The following COL6A6 variants were observed in gnomAD, a reference collection of about 807,000 sequenced individuals.
COL6A6 encodes the protein collagen alpha-6(VI) chain.
Under a neutral mutation model 208.6 loss-of-function variants are expected in COL6A6, and 183 were observed. The ratio of observed to expected loss-of-function variants is 0.88; its 90% CI spans 0.78 to 0.99. COL6A6 has a LOEUF of 0.99. Among genes scored for constraint, COL6A6 ranks in the 50% least tolerant of loss-of-function variants. The probability of loss-of-function intolerance (pLI) is 0.00; values close to 1 mark genes in which losing one functional copy is unlikely to be tolerated. For synonymous variants in COL6A6, 973 were observed against 1,011.8 expected (o/e 0.96, Z 0.73); for missense variants, 2,816 against 2,815.2 (o/e 1.00, Z -0.01).
intron 24 of COL6A6, among the ~76,000 whole-genome samples, chr3:130,625,396 T>C (rs2064855288): frequency 6.6e-6 from 1 of 152,186 alleles, no homozygotes; most frequent in Non-Finnish European, 1.5e-5. Flanking sequence ...GGGAGGGAGA[T>C]GGAGAGTAAC....
rs754635301 is a variant in COL6A6, at chr3:130,649,265, T to C, written c.5436T>C (p.Leu1812=). 5 of 1,600,762 alleles carry C rather than the reference T, an allele frequency of 3.1e-6. No homozygotes were observed. Among genetic ancestry groups the C allele is most frequent in the Non-Finnish European group, 4.3e-6 (5 of 1,173,770 alleles). The change falls in exon 33 of 37, where the codon CTT becomes CTC. Residue 1812 remains leucine (L), a synonymous_variant. Transcript: ENST00000358511. ...ILSYNSHARH[L]VRFSDAYKKS... ...CCTATAACTCCCACGCCAGGCACCTTGTGCGCTTCTCAGACGCCTACAAGA... is the reference window on the plus strand; with the variant it reads ...CCTATAACTCCCACGCCAGGCACCTCGTGCGCTTCTCAGACGCCTACAAGA...
At chr3:130,600,964 T>C (rs917385215) in intron 20 of COL6A6, among the ~76,000 whole-genome samples, 8 of 152,230 alleles carry the variant, frequency 5.3e-5, no homozygotes, top group African/African-American at 1.9e-4. Flanking sequence ...GATCACTTGC[T>C]TGTTGGGGGT....
chr3:130,595,920 C>G (rs998476816), intron 18 of COL6A6, among the ~76,000 whole-genome samples: 2 of 152,126 alleles, frequency 1.3e-5, no homozygotes, highest in Non-Finnish European at 2.9e-5. Context: ...CTCCCACTAG[C>G]AATGTATGAG....
intron 26 of COL6A6, among the ~76,000 whole-genome samples, chr3:130,634,242 T>TAAAAAAAAAAAAAAAAAAAAAAAA (rs202193097): frequency 3.8e-4 from 9 of 23,792 alleles, no homozygotes; most frequent in Admixed American, 8.0e-4. Context: ...AATAAATAAA[T>TAAAAAAAAAAAAAAAAAAAAAAAA]AAAAAAAAAA....
chr3:130,619,206 ATTAC>A (rs1269855260), intron 23 of COL6A6, among the ~76,000 whole-genome samples: 2 of 152,166 alleles, frequency 1.3e-5, no homozygotes, highest in Non-Finnish European at 2.9e-5. Flanking sequence ...TACACTAACA[ATTAC>A]TTACAGCGTA....
At chr3:130,527,916 GGTTGTT>G (rs140060412) in intron 1 of COL6A6, among the ~76,000 whole-genome samples, 9 of 40,770 alleles carry the variant, frequency 2.2e-4, no homozygotes, top group Middle Eastern at 0.012. Context: ...TTTTTTTTTT[GGTTGTT>G]GTTGTTGTTG....
rs2062119990 is a variant in COL6A6 at position 130,532,441 on chromosome 3, C to G, written c.-32+15044C>G. 2.0e-5 allele frequency among the ~76,000 whole-genome samples: 3 copies of G among 152,184 alleles called. No homozygotes were observed. The South Asian group carries it at 6.2e-4, about 32-fold the overall frequency. On this transcript the variant is annotated intron_variant, in intron 1 of 36. Transcript: ENST00000358511. ...GAACACAGGTCTACCCCTTGCGTCC[C>G]CAATCAGACTCTGATTTCATGATGT...
chr3:130,608,194 C>A (rs1212670316), intron 21 of COL6A6, among the ~76,000 whole-genome samples: 3 of 152,152 alleles, frequency 2.0e-5, no homozygotes, highest in African/African-American at 7.2e-5. Flanking sequence ...CAGACTACAG[C>A]ACATTTCAAG....
intron 24 of COL6A6, among the ~76,000 whole-genome samples, chr3:130,622,219 T>C (rs2064746512): frequency 6.9e-6 from 1 of 144,104 alleles, no homozygotes; most frequent in Admixed American, 7.5e-5. Flanking sequence ...CCCTTTTTTT[T>C]TTTCCTTTCC....
In COL6A6 at chr3:130,676,877, G is replaced by A. The variant is rs1321090226; in HGVS notation, c.*1480G>A. On this transcript the variant is annotated 3_prime_UTR_variant, in exon 37 of 37. Coordinates refer to ENST00000358511, the MANE Select transcript of COL6A6 (RefSeq NM_001102608.3). ...TAGGGGTTCAGAAAAAATGTTTCAA[G>A]TACAGGAAATTAATGAGCAATATTT... The A allele has an allele frequency of 6.6e-6, 1 of 152,160 alleles. No individual in the cohort carries two copies. Among genetic ancestry groups the A allele is most frequent in the Non-Finnish European group, 1.5e-5 (1 of 68,024 alleles). The allele number at this position is 152,160 out of a possible 1,614,324, so 9.4% of individuals were successfully genotyped here.
intron 23 of COL6A6, 121 bp from the exon 24 acceptor site, chr3:130,621,699 AG>A: frequency 1.5e-6 from 1 of 687,702 alleles, no homozygotes; most frequent in Non-Finnish European, 2.4e-6. Flanking sequence ...TTCCAGAGCA[AG>A]GATCGATACA....
chr3:130,549,278 T>C (rs1252410383), intron 1 of COL6A6, among the ~76,000 whole-genome samples: 1 of 152,186 alleles, frequency 6.6e-6, no homozygotes, highest in East Asian at 1.9e-4. Flanking sequence ...CAAGTACTTC[T>C]TCCACCTCAG....
chr3:130,662,437 A>T, intron 35 of COL6A6, 129 bp downstream of exon 35: 1 of 807,030 alleles, frequency 1.2e-6, no homozygotes, highest in Non-Finnish European at 2.0e-6. Context: ...AGGGTCAGAA[A>T]GGAAAATATA....
At chr3:130,674,000 C>G (rs2066297798) in intron 36 of COL6A6, among the ~76,000 whole-genome samples, 1 of 152,120 alleles carries the variant, frequency 6.6e-6, no homozygotes, top group Non-Finnish European at 1.5e-5. Flanking sequence ...TCAGTTGTTG[C>G]TCACAACAAC....
intron 7 of COL6A6, among the ~76,000 whole-genome samples, chr3:130,571,953 G>C (rs1560010168): frequency 6.6e-6 from 1 of 151,624 alleles, no homozygotes; most frequent in Non-Finnish European, 1.5e-5. Context: ...AAAGTGCTGG[G>C]ATTACAAGTG....
chr3:130,544,083 C>T (rs111804901), intron 1 of COL6A6, among the ~76,000 whole-genome samples: 5,859 of 152,212 alleles, frequency 0.038, 196 homozygotes, highest in African/African-American at 0.084. Flanking sequence ...ATAATTCTCA[C>T]GTACATTAAA....
Position 130,610,728 on chromosome 3 carries a change from A to C in COL6A6, c.4815+17A>C. 6.5e-7 allele frequency: 1 copy of C among 1,550,088 alleles called. No homozygotes were observed. Among genetic ancestry groups the C allele is most frequent in the Non-Finnish European group, 8.8e-7 (1 of 1,139,382 alleles). ...GGTCCCCAGGTATGTAATGAGAAAA[A>C]TGATTGCATCTGACTTTGATCTTGG... On this transcript the variant is annotated intron_variant, in intron 23 of 36. Coordinates refer to ENST00000358511, the MANE Select transcript of COL6A6 (RefSeq NM_001102608.3).
At chr3:130,536,712 A>G (rs1237232728) in intron 1 of COL6A6, among the ~76,000 whole-genome samples, 1 of 152,212 alleles carries the variant, frequency 6.6e-6, no homozygotes, top group Non-Finnish European at 1.5e-5. Flanking sequence ...GTGGTGAGAG[A>G]GAGGAAGGAG....
At position 130,593,267 on chromosome 3, in the gene COL6A6, A is replaced by C. The variant is rs763590755; in HGVS notation, c.4470+15A>C. Reference sequence around the variant, plus strand: ...AGGGATCTCAGGTAGGGATTTGAAAAGGAAGAACATAAAAATTGTACTGGG... The same window carrying C: ...AGGGATCTCAGGTAGGGATTTGAAACGGAAGAACATAAAAATTGTACTGGG... On this transcript the variant is annotated intron_variant, in intron 17 of 36. Coordinates refer to ENST00000358511, the MANE Select transcript of COL6A6 (RefSeq NM_001102608.3). The C allele has an allele frequency of 6.2e-7, 1 of 1,600,538 alleles. No homozygotes were observed. The highest frequency in any genetic ancestry group is 8.6e-7 in the Non-Finnish European group (1 of 1,167,892).
Sources: gnomAD v4.1 joint callset for allele counts (sites outside exome capture counted in the v4.1 genomes callset) on GRCh38, gnomAD v4.1.1 for gene constraint, MANE v1.5 for transcripts, NCBI Gene and HGNC (gene_info 2026-07-23, HGNC 2026-07-21) for gene names.